Variants in RANBP2 observed in about 807,000 individuals in gnomAD.
The protein encoded by RANBP2 is E3 SUMO-protein ligase RanBP2.
RANBP2 carries 57 observed loss-of-function variants against 303.6 expected under a neutral mutation model. The observed-to-expected ratio is 0.19, with a 90% CI of 0.15 to 0.23. RANBP2 has a LOEUF of 0.23. Among genes scored for constraint, RANBP2 ranks in the 10% least tolerant of loss-of-function variants. The pLI, the probability that RANBP2 is intolerant of heterozygous loss-of-function variation, is 1.00. For missense variants in RANBP2, 3,138 were observed against 3,780.8 expected (o/e 0.83, Z 4.46); for synonymous variants, 1,167 against 1,301.5 (o/e 0.90, Z 2.23).
At chr2:109,076,123 G>A in the RANBP2 span, among the ~76,000 whole-genome samples, 1 of 150,342 alleles carries the variant, frequency 6.7e-6, no homozygotes, top group Non-Finnish European at 1.5e-5. Flanking sequence ...CTGGGATGCA[G>A]GTTTGGTTCA....
chr2:108,983,247 C>T, the RANBP2 span, among the ~76,000 whole-genome samples: 2 of 152,178 alleles, frequency 1.3e-5, no homozygotes, highest in Non-Finnish European at 2.9e-5. Flanking sequence ...GCTTTAGGAA[C>T]AGCCATTTTG....
the RANBP2 span, among the ~76,000 whole-genome samples, chr2:109,686,082 C>CT: frequency 6.6e-6 from 1 of 152,056 alleles, no homozygotes; most frequent in African/African-American, 2.4e-5. Context: ...ATCTCAATAC[C>CT]TTTTTATTTT....
the RANBP2 span, among the ~76,000 whole-genome samples, chr2:109,013,292 T>C: frequency 2.0e-5 from 3 of 152,242 alleles, no homozygotes; most frequent in African/African-American, 7.2e-5. Context: ...AGTCATCAGT[T>C]ACTGCCTCAC....
chr2:109,196,248 T>G, the RANBP2 span, among the ~76,000 whole-genome samples: 40,071 of 152,082 alleles, frequency 0.26, 5,651 homozygotes, highest in East Asian at 0.47. Context: ...CTGCCCACCC[T>G]CCTGCATCCG....
At chr2:109,085,794 A>T in the RANBP2 span, among the ~76,000 whole-genome samples, 1 of 151,672 alleles carries the variant, frequency 6.6e-6, no homozygotes, top group African/African-American at 2.4e-5. Context: ...TAGTAGAGAC[A>T]GAGTTTCACC....
chr2:108,786,136 A>AG (rs1245548484), downstream of RANBP2, among the ~76,000 whole-genome samples: 2 of 152,014 alleles, frequency 1.3e-5, no homozygotes, highest in Admixed American at 1.3e-4. Context: ...TTTCAAAAAA[A>AG]AAAAGTTTTT....
the RANBP2 span, among the ~76,000 whole-genome samples, chr2:109,286,006 T>C: frequency 6.6e-6 from 1 of 152,178 alleles, no homozygotes; most frequent in Non-Finnish European, 1.5e-5. Context: ...CCAGGACACA[T>C]CAGAGGCTGG....
At chr2:109,063,148 T>TC in the RANBP2 span, among the ~76,000 whole-genome samples, 1 of 152,092 alleles carries the variant, frequency 6.6e-6, no homozygotes, top group African/African-American at 2.4e-5. Context: ...AGACACATCC[T>TC]CCCCCTCTGG....
At chr2:108,776,993 T>C in intron 24 of RANBP2, 137 bp from the exon 25 acceptor site, 1 of 695,840 alleles carries the variant, frequency 1.4e-6, no homozygotes. Flanking sequence ...TGGATGTATT[T>C]TGTAACTTGA....
At chr2:109,232,630 C>G in the RANBP2 span, among the ~76,000 whole-genome samples, 8 of 152,166 alleles carry the variant, frequency 5.3e-5, no homozygotes, top group Non-Finnish European at 1.0e-4. Context: ...TCCATCCCTT[C>G]TTTCTGGAAA....
chr2:109,249,535 C>CTT, the RANBP2 span, among the ~76,000 whole-genome samples: 3 of 95,684 alleles, frequency 3.1e-5, no homozygotes, highest in African/African-American at 8.4e-5. Context: ...TTCTTTCTTT[C>CTT]CTTCCTTCCT....
At chr2:109,331,324 A>G in the RANBP2 span, among the ~76,000 whole-genome samples, 4 of 152,130 alleles carry the variant, frequency 2.6e-5, no homozygotes, top group Non-Finnish European at 4.4e-5. Flanking sequence ...TTTGCAATCA[A>G]TTAACAGCCA....
At chr2:109,489,781 A>G in the RANBP2 span, among the ~76,000 whole-genome samples, 5 of 152,086 alleles carry the variant, frequency 3.3e-5, no homozygotes, top group Non-Finnish European at 5.9e-5. Flanking sequence ...TCTGTCACCC[A>G]GGCTGGAGTG....
At chr2:109,593,034 T>C in the RANBP2 span, 1 of 1,548,242 alleles carries the variant, frequency 6.5e-7, no homozygotes, top group Non-Finnish European at 8.7e-7. Context: ...TGGTATCTAT[T>C]TAAAAGACAT....
the RANBP2 span, among the ~76,000 whole-genome samples, chr2:109,278,288 C>T: frequency 4.6e-5 from 7 of 152,214 alleles, no homozygotes; most frequent in African/African-American, 7.2e-5. Flanking sequence ...GGGCCCCGTG[C>T]TTCAGCCACC....
the RANBP2 span, among the ~76,000 whole-genome samples, chr2:108,858,914 C>T: frequency 1.9e-4 from 29 of 152,212 alleles, 1 homozygote; most frequent in South Asian, 5.6e-3. Flanking sequence ...TTTATCTGAT[C>T]CACCACTGAT....
intron 4 of RANBP2, among the ~76,000 whole-genome samples, chr2:108,733,980 TGA>T (rs1695372558): frequency 6.6e-6 from 1 of 151,798 alleles, no homozygotes; most frequent in Admixed American, 6.6e-5. Flanking sequence ...GTATTACTGT[TGA>T]GAAGGCTTTT....
At chr2:109,117,572 A>T in the RANBP2 span, among the ~76,000 whole-genome samples, 39 of 152,254 alleles carry the variant, frequency 2.6e-4, no homozygotes, top group African/African-American at 9.1e-4. Context: ...GAACTCCTTG[A>T]CCCCTTGCGC....
chr2:109,132,014 C>T, the RANBP2 span, among the ~76,000 whole-genome samples: 1 of 152,154 alleles, frequency 6.6e-6, no homozygotes, highest in East Asian at 1.9e-4. Context: ...CATTGAGCAA[C>T]CCTATACAGT....
Sources: allele counts gnomAD v4.1 joint callset (sites outside exome capture counted in the v4.1 genomes callset), GRCh38; gene constraint gnomAD v4.1.1; transcripts MANE v1.5; gene names NCBI Gene and HGNC (gene_info 2026-07-23, HGNC 2026-07-21).